Variants in ADCY1 observed in about 807,000 individuals in gnomAD.
ADCY1 encodes adenylate cyclase 1.
ADCY1 carries 28 observed loss-of-function variants against 105.4 expected under a neutral mutation model. The observed-to-expected ratio is 0.27, with a 90% CI of 0.20 to 0.36. The LOEUF (loss-of-function observed/expected upper bound fraction) is 0.36, where lower values mean the gene tolerates loss of function less well. ADCY1 is among the 10% of genes least tolerant of loss of function. ADCY1 has a pLI of 1.00. For synonymous variants in ADCY1, 655 were observed against 623.8 expected (o/e 1.05, Z -0.75); for missense variants, 977 against 1,434.2 (o/e 0.68, Z 5.15).
chr7:45,581,093 C>T (rs1472313838), intron 1 of ADCY1, among the ~76,000 whole-genome samples: 1 of 152,134 alleles, frequency 6.6e-6, no homozygotes, highest in South Asian at 2.1e-4. Flanking sequence ...TTCAGGGGCT[C>T]TAGTGTATCT....
chr7:45,644,806 T>G (rs1430973956), intron 4 of ADCY1, among the ~76,000 whole-genome samples: 3 of 152,230 alleles, frequency 2.0e-5, no homozygotes. Context: ...AAATACCTTT[T>G]TTGATCTCTT....
intron 5 of ADCY1, among the ~76,000 whole-genome samples, chr7:45,650,743 AG>A (rs1404648356): frequency 6.6e-6 from 1 of 152,092 alleles, no homozygotes; most frequent in Non-Finnish European, 1.5e-5. Context: ...TGGGCCTTAA[AG>A]GGTGCTGTCC....
At chr7:45,581,541 T>A (rs1457680490) in intron 1 of ADCY1, among the ~76,000 whole-genome samples, 1 of 152,170 alleles carries the variant, frequency 6.6e-6, no homozygotes, top group Non-Finnish European at 1.5e-5. Context: ...GTGGCCATCA[T>A]GCCAGGCTGA....
chr7:45,645,058 T>C (rs1324804006), intron 4 of ADCY1, among the ~76,000 whole-genome samples: 1 of 152,108 alleles, frequency 6.6e-6, no homozygotes, highest in Non-Finnish European at 1.5e-5. Context: ...TTGCCCAGGT[T>C]CTAGGAGAGG....
chr7:45,585,104 C>T (rs537783694), intron 1 of ADCY1, among the ~76,000 whole-genome samples: 5 of 152,358 alleles, frequency 3.3e-5, no homozygotes, highest in African/African-American at 1.2e-4. Flanking sequence ...CCTTTGCCTT[C>T]ATTCCCCTAT....
intron 1 of ADCY1, among the ~76,000 whole-genome samples, chr7:45,589,415 TC>T (rs1269669993): frequency 6.6e-6 from 1 of 152,164 alleles, no homozygotes; most frequent in African/African-American, 2.4e-5. Context: ...CCTGCAGCCC[TC>T]ATCTCTGAGT....
At chr7:45,627,618 G>A (rs1038861970) in intron 4 of ADCY1, among the ~76,000 whole-genome samples, 6 of 152,152 alleles carry the variant, frequency 3.9e-5, no homozygotes, top group East Asian at 3.9e-4. Flanking sequence ...CTCTGATGGC[G>A]CCCACATATG....
chr7:45,662,923 A>G (rs899224969), intron 8 of ADCY1, among the ~76,000 whole-genome samples: 1 of 152,110 alleles, frequency 6.6e-6, no homozygotes, highest in Non-Finnish European at 1.5e-5. Context: ...TCTGCCCCCC[A>G]GACAGGGCTC....
At chr7:45,660,766 G>A (rs1239069557) in intron 7 of ADCY1, among the ~76,000 whole-genome samples, 4 of 150,808 alleles carry the variant, frequency 2.7e-5, no homozygotes, top group Non-Finnish European at 4.4e-5. Flanking sequence ...CAGGGCTCAG[G>A]TGAGGGTGCA....
chr7:45,574,606 C>T lies in ADCY1; in HGVS notation c.63C>T (p.Ala21=), dbSNP rs890602276. ...GCGGCGCGGGCGAGCCCGGGGGCGCCGAGCGGGCGGCCGGGACAAGCCGCC... is the reference window on the plus strand; with the variant it reads ...GCGGCGCGGGCGAGCCCGGGGGCGCTGAGCGGGCGGCCGGGACAAGCCGCC... ...GGGGAGEPGG[A]ERAAGTSRRR... is the part of the protein sequence containing the mutation. Residue 21 remains alanine, a synonymous_variant, in exon 1 of 20, where the codon GCC becomes GCT. Transcript: ENST00000297323. This position sits in a 1 kb window ranked among gnomAD's most constrained non-coding sequence, Gnocchi z 7.0. The T allele has an allele frequency of 7.1e-6, 8 of 1,132,886 alleles. No individual in the cohort carries two copies. In the African/African-American group the frequency reaches 1.0e-4, roughly 14 times the overall value. The allele number at this position is 1,132,886 out of a possible 1,614,324, so 70.2% of individuals were successfully genotyped here.
At position 45,717,432 on chromosome 7, in the gene ADCY1, C is replaced by CT. The variant is rs1280124361; in HGVS notation, c.*3439dup. 6.6e-6 allele frequency: 1 copy of CT among 152,562 alleles called. No homozygotes were observed. The highest frequency in any genetic ancestry group is 1.5e-5 in the Non-Finnish European group (1 of 68,032). 9.5% of individuals were successfully genotyped at this position (152,562 alleles called of 1,614,324 possible). On this transcript the variant is annotated 3_prime_UTR_variant, in exon 20 of 20. Coordinates refer to ENST00000297323, the MANE Select transcript of ADCY1 (RefSeq NM_021116.4). ...TTGTGGGAAAACTGTATTATATTGC[C>CT]TTATTTATTTTTAATCATGTACAAT...
chr7:45,699,302 A>G (rs1784941567), intron 14 of ADCY1, among the ~76,000 whole-genome samples: 1 of 152,190 alleles, frequency 6.6e-6, no homozygotes, highest in Non-Finnish European at 1.5e-5. Context: ...TGGACAAAAG[A>G]TCCAGGGAGG....
At chr7:45,660,559 A>G (rs1335852362) in intron 7 of ADCY1, among the ~76,000 whole-genome samples, 1 of 152,208 alleles carries the variant, frequency 6.6e-6, no homozygotes, top group Non-Finnish European at 1.5e-5. Flanking sequence ...GTGGGCTGTT[A>G]CCGTCTTACA....
In ADCY1 at chr7:45,667,388, C is replaced by T. The variant is rs188914807; in HGVS notation, c.1605+5174C>T. Among the ~76,000 whole-genome samples, 336 of 152,258 alleles carry T rather than the reference C, an allele frequency of 2.2e-3. 1 individual carries two copies. The highest frequency in any genetic ancestry group is 7.8e-3 in the African/African-American group (323 of 41,530). On this transcript the variant is annotated intron_variant, in intron 8 of 19. Transcript: ENST00000297323. The stretch of plus-strand genomic sequence containing the variant: ...CAGTACCATTTATTAAATAGGGAAT[C>T]CTTTCCCCATTTCTTGTTTTTGTCA...
intron 16 of ADCY1, among the ~76,000 whole-genome samples, chr7:45,704,122 A>G (rs1267033333): frequency 6.6e-6 from 1 of 151,992 alleles, no homozygotes; most frequent in African/African-American, 2.4e-5. Flanking sequence ...TTGTCTACAG[A>G]TGGGCAGGCA....
chr7:45,625,459 G>A (rs896857595), intron 4 of ADCY1, among the ~76,000 whole-genome samples: 4 of 152,178 alleles, frequency 2.6e-5, no homozygotes, highest in Non-Finnish European at 4.4e-5. Flanking sequence ...GTGTGTGAGT[G>A]TGCACATATG....
At chr7:45,668,860 A>T (rs1784311974) in intron 8 of ADCY1, among the ~76,000 whole-genome samples, 1 of 152,072 alleles carries the variant, frequency 6.6e-6, no homozygotes, top group Non-Finnish European at 1.5e-5. Flanking sequence ...TAGTCTTGGG[A>T]GGGTGTATGT....
intron 2 of ADCY1, among the ~76,000 whole-genome samples, chr7:45,600,287 T>C (rs1793194071): frequency 6.6e-6 from 1 of 152,220 alleles, no homozygotes. Flanking sequence ...AAGTGACCCA[T>C]GGAGGGGACC....
At chr7:45,709,421 C>T (rs552474797) in intron 18 of ADCY1, among the ~76,000 whole-genome samples, 2 of 152,234 alleles carry the variant, frequency 1.3e-5, no homozygotes, top group Non-Finnish European at 2.9e-5. Flanking sequence ...CCCTTCTGCC[C>T]ATCAGGCCGG....
Sources: gnomAD v4.1 joint callset for allele counts (sites outside exome capture counted in the v4.1 genomes callset) on GRCh38, gnomAD v4.1.1 for gene constraint, Gnocchi (gnomAD v3.1) non-coding constraint, MANE v1.5 for transcripts, NCBI Gene and HGNC (gene_info 2026-07-23, HGNC 2026-07-21) for gene names.